The following VEGFC variants were observed in gnomAD, a reference collection of about 807,000 sequenced individuals.
The protein encoded by VEGFC is FLT4 ligand DHM.
In VEGFC, 12 loss-of-function variants were observed where a neutral mutation model predicts 46.1. The ratio of observed to expected loss-of-function variants is 0.26; its 90% CI spans 0.17 to 0.42. The LOEUF (loss-of-function observed/expected upper bound fraction) is 0.42, where lower values mean the gene tolerates loss of function less well. Ranked by LOEUF, VEGFC falls within the 10% of genes least tolerant of loss-of-function variation. The pLI, the probability that VEGFC is intolerant of heterozygous loss-of-function variation, is 1.00. For synonymous variants in VEGFC, 232 were observed against 195.5 expected, an observed-to-expected ratio of 1.19 and a Z score of -1.56; for missense variants, 488 against 529.4, an observed-to-expected ratio of 0.92 and a Z score of 0.77.
rs590490 is a variant in VEGFC at position 176,717,509 on chromosome 4, C to A, written c.553-5859G>T. On this transcript the variant is annotated intron_variant, in intron 3 of 6. Coordinates refer to ENST00000618562, the MANE Select transcript of VEGFC (RefSeq NM_005429.5). ...CGGCTATAAAGCAACAATTCCTAAT[C>A]GTACTTATCTTGCTGGCTATTCAAG... Among the ~76,000 whole-genome samples, 1,147 of 152,180 alleles carry A rather than the reference C, an allele frequency of 7.5e-3. 14 individuals are homozygous for A. The Middle Eastern group carries it at 0.082, about 11-fold the overall frequency.
At chr4:176,717,458 A>G (rs1734716956) in intron 3 of VEGFC, among the ~76,000 whole-genome samples, 1 of 152,282 alleles carries the variant, frequency 6.6e-6, no homozygotes, top group South Asian at 2.1e-4. Flanking sequence ...TTTTGAAACA[A>G]TAGGTTGTTT....
At chr4:176,767,392 T>A (rs1219898434) in intron 1 of VEGFC, among the ~76,000 whole-genome samples, 1 of 152,202 alleles carries the variant, frequency 6.6e-6, no homozygotes, top group East Asian at 1.9e-4. Context: ...TCACTCTCCC[T>A]CTGCCTCACC....
At chr4:176,724,566 G>A (rs1734842135) in intron 3 of VEGFC, among the ~76,000 whole-genome samples, 1 of 152,186 alleles carries the variant, frequency 6.6e-6, no homozygotes, top group Non-Finnish European at 1.5e-5. Context: ...AGAAAGTCTT[G>A]CCTGAGGCCT....
intron 1 of VEGFC, among the ~76,000 whole-genome samples, chr4:176,748,502 TA>T (rs1372307284): frequency 6.6e-6 from 1 of 151,330 alleles, no homozygotes; most frequent in African/African-American, 2.4e-5. Context: ...GTATACAGCA[TA>T]AATATAGAAA....
intron 1 of VEGFC, among the ~76,000 whole-genome samples, chr4:176,757,381 T>C (rs1363340713): frequency 1.3e-5 from 2 of 152,036 alleles, no homozygotes; most frequent in African/African-American, 2.4e-5. Flanking sequence ...ATAATATCAA[T>C]ATGAGAACAA....
At chr4:176,714,864 A>G (rs1734672254) in intron 3 of VEGFC, among the ~76,000 whole-genome samples, 1 of 152,248 alleles carries the variant, frequency 6.6e-6, no homozygotes, top group Non-Finnish European at 1.5e-5. Context: ...GGTGAGATGA[A>G]GAATAGCTAA....
chr4:176,742,164 G>A (rs748076016), intron 1 of VEGFC, among the ~76,000 whole-genome samples: 7 of 151,808 alleles, frequency 4.6e-5, no homozygotes, highest in East Asian at 1.9e-4. Context: ...TTTAGCTCCC[G>A]TATAAGTGAG....
chr4:176,748,619 G>T (rs1735294509), intron 1 of VEGFC, among the ~76,000 whole-genome samples: 2 of 151,914 alleles, frequency 1.3e-5, no homozygotes, highest in African/African-American at 4.8e-5. Flanking sequence ...GTATTAAACT[G>T]CACTTTTTAC....
At chr4:176,696,540 G>T (rs1265825459) in intron 4 of VEGFC, among the ~76,000 whole-genome samples, 4 of 149,684 alleles carry the variant, frequency 2.7e-5, no homozygotes, top group Non-Finnish European at 4.4e-5. Flanking sequence ...AATCAATATC[G>T]TGAAAATGGC....
chr4:176,700,288 G>A (rs1734404517), intron 4 of VEGFC, among the ~76,000 whole-genome samples: 2 of 151,920 alleles, frequency 1.3e-5, no homozygotes, highest in South Asian at 2.1e-4. Context: ...GTGGTGGCAC[G>A]TGCTTGTAAT....
chr4:176,713,793 CAAT>C, intron 3 of VEGFC, among the ~76,000 whole-genome samples: 1 of 152,228 alleles, frequency 6.6e-6, no homozygotes, highest in East Asian at 1.9e-4. Flanking sequence ...AGAAGCATAA[CAAT>C]GATGGAGCAT....
chr4:176,779,913 T>C (rs146921032), intron 1 of VEGFC, among the ~76,000 whole-genome samples: 248 of 152,292 alleles, frequency 1.6e-3, no homozygotes, highest in Non-Finnish European at 2.5e-3. Flanking sequence ...TTGTGTGCTA[T>C]TAAGTTGGAG....
intron 1 of VEGFC, among the ~76,000 whole-genome samples, chr4:176,788,107 C>A (rs1019885715): frequency 6.6e-6 from 1 of 152,210 alleles, no homozygotes; most frequent in Non-Finnish European, 1.5e-5. Context: ...TGTGAAAGGT[C>A]ATTTGGCAGA....
chr4:176,736,985 TTTTTA>T (rs1335981056), intron 1 of VEGFC, among the ~76,000 whole-genome samples: 3 of 151,294 alleles, frequency 2.0e-5, no homozygotes, highest in African/African-American at 2.4e-5. Flanking sequence ...ATAACTAATG[TTTTTA>T]TTTTAAGTAT....
intron 3 of VEGFC, among the ~76,000 whole-genome samples, chr4:176,717,602 G>A (rs1193819700): frequency 1.3e-5 from 2 of 152,060 alleles, no homozygotes; most frequent in Non-Finnish European, 2.9e-5. Context: ...TATAAGTAAT[G>A]TTTGTGTGGA....
intron 4 of VEGFC, among the ~76,000 whole-genome samples, chr4:176,696,786 A>G (rs1734322247): frequency 6.6e-6 from 1 of 152,204 alleles, no homozygotes; most frequent in Non-Finnish European, 1.5e-5. Flanking sequence ...CAAAACAGAG[A>G]TATAGATCAA....
At chr4:176,764,789 G>A (rs1443933988) in intron 1 of VEGFC, among the ~76,000 whole-genome samples, 1 of 151,878 alleles carries the variant, frequency 6.6e-6, no homozygotes, top group East Asian at 1.9e-4. Flanking sequence ...CTCTAGAAAG[G>A]CAAAACTGCA....
intron 1 of VEGFC, among the ~76,000 whole-genome samples, chr4:176,783,690 G>C (rs140793935): frequency 6.6e-6 from 1 of 152,074 alleles, no homozygotes; most frequent in African/African-American, 2.4e-5. Flanking sequence ...TCCAGGAGAG[G>C]AACAAACCCC....
At chr4:176,712,709 C>A (rs1052950777) in intron 3 of VEGFC, among the ~76,000 whole-genome samples, 3 of 152,100 alleles carry the variant, frequency 2.0e-5, no homozygotes, top group African/African-American at 7.2e-5. Flanking sequence ...AGCTGAAGAC[C>A]ATTGAAAATA....
Sources: allele counts gnomAD v4.1 joint callset (sites outside exome capture counted in the v4.1 genomes callset), GRCh38; gene constraint gnomAD v4.1.1; transcripts MANE v1.5; gene names NCBI Gene and HGNC (gene_info 2026-07-23, HGNC 2026-07-21).